MYO16: variants seen among roughly 807,000 people sequenced by gnomAD.
MYO16 encodes myosin XVI, also known as unconventional myosin-XVI.
Under a neutral mutation model 205.3 loss-of-function variants are expected in MYO16, and 94 were observed. The ratio of observed to expected loss-of-function variants is 0.46; its 90% CI spans 0.39 to 0.54. The LOEUF is 0.54. Ranked by LOEUF, MYO16 falls within the 20% of genes least tolerant of loss-of-function variation. The pLI, the probability that MYO16 is intolerant of heterozygous loss-of-function variation, is 0.00. For synonymous variants in MYO16, 988 were observed against 954.0 expected (o/e 1.04, Z -0.66); for missense variants, 2,315 against 2,387.5 (o/e 0.97, Z 0.63).
intron 32 of MYO16, among the ~76,000 whole-genome samples, chr13:109,159,076 G>A (rs937694494): frequency 1.3e-5 from 2 of 152,192 alleles, no homozygotes; most frequent in African/African-American, 4.8e-5. Context: ...AAAAAACTAT[G>A]TATGGACCTT....
rs998953638 is a variant in MYO16, at chr13:109,012,799, G to A, written c.2595+3750G>A. ...TGTGTGTATATATATATATATATATGTATATGATTTTAGTTTTATTGTTCA... is the reference window on the plus strand; with the variant it reads ...TGTGTGTATATATATATATATATATATATATGATTTTAGTTTTATTGTTCA... On this transcript the variant is annotated intron_variant, in intron 22 of 34. Coordinates refer to ENST00000457511, the MANE Select transcript of MYO16 (RefSeq NM_001198950.3). Among the ~76,000 whole-genome samples, 5 of 121,588 alleles carry A rather than the reference G, an allele frequency of 4.1e-5. 1 individual carries two copies. Among genetic ancestry groups the A allele is most frequent in the South Asian group, 3.0e-4 (1 of 3,296 alleles). The allele number at this position is 121,588 out of a possible 152,430, so 79.8% of individuals were successfully genotyped here.
At chr13:109,067,479 G>A (rs1358805266) in intron 27 of MYO16, among the ~76,000 whole-genome samples, 1 of 152,134 alleles carries the variant, frequency 6.6e-6, no homozygotes, top group Non-Finnish European at 1.5e-5. Flanking sequence ...TACAGGACAT[G>A]AGATTTGTAC....
chr13:109,132,023 G>C (rs961024388), intron 31 of MYO16, among the ~76,000 whole-genome samples: 12 of 152,190 alleles, frequency 7.9e-5, no homozygotes, highest in African/African-American at 2.9e-4. Context: ...CATTGCCCAG[G>C]ACGTAGCAAG....
chr13:108,896,742 G>T (rs1044885238), intron 14 of MYO16, among the ~76,000 whole-genome samples: 2 of 152,144 alleles, frequency 1.3e-5, no homozygotes, highest in African/African-American at 4.8e-5. Flanking sequence ...GCCGAGGTGG[G>T]CGGATCACCT....
At chr13:109,012,795 A>ATATG (rs1372224747) in intron 22 of MYO16, among the ~76,000 whole-genome samples, 1 of 150,690 alleles carries the variant, frequency 6.6e-6, no homozygotes, top group African/African-American at 2.5e-5. Context: ...ATATATATAT[A>ATATG]TATGTATATG....
chr13:108,778,205 A>AT (rs984531229), intron 4 of MYO16, among the ~76,000 whole-genome samples: 10 of 152,104 alleles, frequency 6.6e-5, no homozygotes, highest in Non-Finnish European at 1.3e-4. Context: ...CTTTCAAGGC[A>AT]TTTTTTCCCG....
intron 1 of MYO16, among the ~76,000 whole-genome samples, chr13:108,618,198 A>G (rs1394992632): frequency 6.6e-6 from 1 of 152,202 alleles, no homozygotes; most frequent in Admixed American, 6.5e-5. Context: ...CTCCTCTGTT[A>G]AAAATCTGCT....
intron 15 of MYO16, among the ~76,000 whole-genome samples, chr13:108,899,323 T>C (rs570063280): frequency 9.4e-4 from 143 of 151,582 alleles, no homozygotes; most frequent in African/African-American, 3.3e-3. Context: ...CTTGGGAGGC[T>C]GAGACAGGAG....
At chr13:109,076,608 A>G (rs1888113934) in intron 27 of MYO16, among the ~76,000 whole-genome samples, 1 of 152,158 alleles carries the variant, frequency 6.6e-6, no homozygotes, top group African/African-American at 2.4e-5. Flanking sequence ...CTCCATCTCA[A>G]GAAATCCCAT....
At chr13:108,798,286 C>G (rs1019378909) in intron 6 of MYO16, among the ~76,000 whole-genome samples, 2 of 152,036 alleles carry the variant, frequency 1.3e-5, no homozygotes, top group East Asian at 1.9e-4. Flanking sequence ...AGTTGTGGTT[C>G]AAAATTAGGC....
At chr13:108,989,408 C>G (rs1427855321) in intron 20 of MYO16, among the ~76,000 whole-genome samples, 1 of 152,036 alleles carries the variant, frequency 6.6e-6, no homozygotes, top group African/African-American at 2.4e-5. Context: ...AAGAAGTAAA[C>G]AAAGCAATAT....
intron 9 of MYO16, among the ~76,000 whole-genome samples, chr13:108,838,089 A>G (rs1014412913): frequency 9.9e-5 from 15 of 152,190 alleles, no homozygotes; most frequent in Admixed American, 2.0e-4. Flanking sequence ...ATGGGTAAGC[A>G]CACAGGTTCT....
chr13:108,743,814 T>A (rs543451374), intron 4 of MYO16, among the ~76,000 whole-genome samples: 1 of 152,364 alleles, frequency 6.6e-6, no homozygotes, highest in Non-Finnish European at 1.5e-5. Flanking sequence ...TTACTTTACA[T>A]GAAGCGGCTT....
chr13:109,061,496 A>T (rs894551996), intron 27 of MYO16, among the ~76,000 whole-genome samples: 1 of 152,182 alleles, frequency 6.6e-6, no homozygotes, highest in Non-Finnish European at 1.5e-5. Flanking sequence ...TGATTTTAAT[A>T]ATTCTGTGTT....
intron 1 of MYO16, among the ~76,000 whole-genome samples, chr13:108,631,157 C>T (rs536565946): frequency 6.6e-6 from 1 of 152,288 alleles, no homozygotes; most frequent in South Asian, 2.1e-4. Flanking sequence ...TATTGCCTCT[C>T]GTGTTTTACT....
intron 28 of MYO16, among the ~76,000 whole-genome samples, chr13:109,119,281 TATC>T (rs1566515546): frequency 6.6e-6 from 1 of 152,216 alleles, no homozygotes; most frequent in Admixed American, 6.5e-5. Flanking sequence ...TAGGGGGTGT[TATC>T]ATTTTAATGT....
At chr13:108,566,016 G>T in the MYO16 span, among the ~76,000 whole-genome samples, 2 of 151,642 alleles carry the variant, frequency 1.3e-5, no homozygotes, top group Non-Finnish European at 2.9e-5. Flanking sequence ...TCTTTGACTA[G>T]TTTTGTTATC....
upstream of MYO16, among the ~76,000 whole-genome samples, chr13:108,624,848 T>G (rs548818351): frequency 6.6e-6 from 1 of 150,556 alleles, no homozygotes; most frequent in Non-Finnish European, 1.5e-5. Flanking sequence ...TCCATATCAA[T>G]GCACATGCAT....
intron 20 of MYO16, among the ~76,000 whole-genome samples, chr13:108,965,155 T>C (rs1197632608): frequency 6.6e-6 from 1 of 152,202 alleles, no homozygotes. Flanking sequence ...TGCAAATGCA[T>C]TCTTTATGGA....
Sources: allele counts gnomAD v4.1 joint callset (sites outside exome capture counted in the v4.1 genomes callset), GRCh38; gene constraint gnomAD v4.1.1; transcripts MANE v1.5; gene names NCBI Gene and HGNC (gene_info 2026-07-23, HGNC 2026-07-21).